TG: variants seen among roughly 807,000 people sequenced by gnomAD.
TG encodes the protein thyroglobulin.
A neutral mutation model predicts 324.7 loss-of-function variants in TG; 270 were observed. The observed-to-expected ratio is 0.83, with a 90% CI of 0.75 to 0.92. The LOEUF (loss-of-function observed/expected upper bound fraction) is 0.92. TG is among the 40% of genes least tolerant of loss of function. The pLI is 0.00. For missense variants in TG, 3,591 were observed against 3,456.4 expected, an observed-to-expected ratio of 1.04 and a Z score of -0.98; for synonymous variants, 1,401 against 1,327.0, an observed-to-expected ratio of 1.06 and a Z score of -1.21.
At chr8:133,044,751 A>G (rs926378383) in intron 41 of TG, among the ~76,000 whole-genome samples, 2 of 152,330 alleles carry the variant, frequency 1.3e-5, no homozygotes, top group African/African-American at 2.4e-5. Flanking sequence ...TGTTTAATGT[A>G]CACTTCGAGA....
At chr8:133,124,698 G>A (rs1376873250) in intron 45 of TG, among the ~76,000 whole-genome samples, 2 of 152,160 alleles carry the variant, frequency 1.3e-5, no homozygotes, top group African/African-American at 4.8e-5. Flanking sequence ...CTGAGGCTCT[G>A]AGAGAGAAAA....
chr8:133,122,522 C>T (rs1851221026), intron 45 of TG, among the ~76,000 whole-genome samples: 1 of 152,222 alleles, frequency 6.6e-6, no homozygotes, highest in African/African-American at 2.4e-5. Flanking sequence ...CAACGTTATC[C>T]TAAACCCTAT....
At chr8:133,026,713 G>A (rs1272318325) in intron 40 of TG, among the ~76,000 whole-genome samples, 1 of 152,136 alleles carries the variant, frequency 6.6e-6, no homozygotes, top group East Asian at 1.9e-4. Context: ...TGACCTCATT[G>A]TCTCTGGGAC....
intron 35 of TG, among the ~76,000 whole-genome samples, chr8:133,005,989 C>G (rs886569920): frequency 1.3e-5 from 2 of 152,194 alleles, no homozygotes; most frequent in African/African-American, 4.8e-5. Context: ...GAACTCCTTT[C>G]CTGAGGCCTG....
intron 10 of TG, among the ~76,000 whole-genome samples, chr8:132,888,862 A>G (rs145049687): frequency 1.1e-4 from 16 of 152,308 alleles, no homozygotes; most frequent in Non-Finnish European, 1.9e-4. Flanking sequence ...AAGCATCTTC[A>G]TCTTAGAGCT....
rs186552482 is a variant in TG at position 132,876,990 on chromosome 8, T to A, written c.638+3769T>A. On this transcript the variant is annotated intron_variant, in intron 5 of 47. Transcript: ENST00000220616. ...GAAGGATCAGATGTGTCTTAATATA[T>A]GGTAAAGGGGCATTGTAACCAGAAT... Among the ~76,000 whole-genome samples the A allele has an allele frequency of 2.2e-4, 34 of 152,290 alleles. No homozygotes were observed. The East Asian group carries it at 6.4e-3, about 28-fold the overall frequency.
chr8:133,053,252 T>C (rs959618193), intron 41 of TG, among the ~76,000 whole-genome samples: 5 of 152,200 alleles, frequency 3.3e-5, no homozygotes, highest in African/African-American at 9.6e-5. Flanking sequence ...TACCCCAGGT[T>C]GCATTTTCCC....
chr8:132,916,706 G>T (rs1820333508), intron 20 of TG, among the ~76,000 whole-genome samples: 1 of 152,224 alleles, frequency 6.6e-6, no homozygotes, highest in Non-Finnish European at 1.5e-5. Flanking sequence ...AGCCCTGATG[G>T]AGTCAGTTTT....
chr8:133,117,242 C>T (rs954470500), intron 45 of TG, among the ~76,000 whole-genome samples: 1 of 152,132 alleles, frequency 6.6e-6, no homozygotes, highest in Non-Finnish European at 1.5e-5. Flanking sequence ...AAGGGCCAAG[C>T]AATGAGCATA....
intron 23 of TG, among the ~76,000 whole-genome samples, chr8:132,932,409 T>C (rs1263002030): frequency 6.6e-6 from 1 of 152,170 alleles, no homozygotes; most frequent in Non-Finnish European, 1.5e-5. Flanking sequence ...GGCTCAGGAA[T>C]TGGATTGCAA....
intron 41 of TG, among the ~76,000 whole-genome samples, chr8:133,043,952 T>C (rs1838806433): frequency 6.6e-6 from 1 of 152,184 alleles, no homozygotes; most frequent in African/African-American, 2.4e-5. Context: ...TGGGTAAAAG[T>C]GGCTGGCATT....
intron 40 of TG, among the ~76,000 whole-genome samples, chr8:133,027,414 C>G (rs1453309059): frequency 6.6e-6 from 1 of 152,176 alleles, no homozygotes; most frequent in Non-Finnish European, 1.5e-5. Context: ...GGGCCCAAGC[C>G]TCAAAGCACA....
intron 43 of TG, among the ~76,000 whole-genome samples, chr8:133,104,116 G>A (rs1267921901): frequency 1.3e-5 from 2 of 152,198 alleles, no homozygotes; most frequent in Non-Finnish European, 2.9e-5. Context: ...AGGCCCTGGG[G>A]CAGGAGTGGT....
intron 27 of TG, among the ~76,000 whole-genome samples, chr8:132,956,559 C>A (rs1356312304): frequency 7.2e-5 from 11 of 152,098 alleles, no homozygotes; most frequent in African/African-American, 2.7e-4. Flanking sequence ...GAACAGGGTT[C>A]TAGGCAGAGA....
Position 132,971,869 on chromosome 8 carries a change from A to G in TG, c.6051A>G (p.Leu2017=), listed in dbSNP as rs778984405. Residue 2017 remains leucine (L), a synonymous_variant, in exon 33 of 48, where the codon TTA becomes TTG. Transcript: ENST00000220616. ...TGFGFLNVSQ[L]KGGEVTCLTL... The stretch of plus-strand genomic sequence containing the variant: ...TTGGATTTCTAAATGTTTCCCAGTT[A>G]AAAGGTAATAATGGTAACAACTTCC... 1.9e-6 allele frequency: 3 copies of G among 1,608,552 alleles called. No homozygotes were observed. The highest frequency in any genetic ancestry group is 1.7e-5 in the Admixed American group (1 of 60,022).
intron 43 of TG, among the ~76,000 whole-genome samples, chr8:133,107,896 A>G (rs1297857741): frequency 1.3e-5 from 2 of 151,994 alleles, no homozygotes; most frequent in Admixed American, 6.6e-5. Context: ...GCACTCCTAA[A>G]AGCTCATCTT....
At chr8:133,040,532 G>A (rs542373853) in intron 41 of TG, among the ~76,000 whole-genome samples, 60 of 152,286 alleles carry the variant, frequency 3.9e-4, no homozygotes, top group Admixed American at 1.4e-3. Context: ...AGGGTTTCCC[G>A]CAAATGCCCA....
rs1817737656 is a variant in TG, at chr8:132,900,358, T to G, written c.3433+19T>G. On this transcript the variant is annotated intron_variant, in intron 15 of 47. Transcript: ENST00000220616. ...GCCCAGTGTGAGTAGCAGCCCCTCC[T>G]GGCATGGCTTCTCACCTCTTCTGTG... 6.3e-7 allele frequency: 1 copy of G among 1,599,280 alleles called. No homozygotes were observed. Among genetic ancestry groups the G allele is most frequent in the Non-Finnish European group, 8.5e-7 (1 of 1,172,474 alleles).
intron 41 of TG, among the ~76,000 whole-genome samples, chr8:133,034,783 T>C (rs1452454661): frequency 6.6e-6 from 1 of 152,036 alleles, no homozygotes; most frequent in East Asian, 1.9e-4. Context: ...ATCTGCAGGG[T>C]TGAGTTTGGG....
Sources: allele counts gnomAD v4.1 joint callset (sites outside exome capture counted in the v4.1 genomes callset), GRCh38; gene constraint gnomAD v4.1.1; transcripts MANE v1.5; gene names NCBI Gene and HGNC (gene_info 2026-07-23, HGNC 2026-07-21).